Variants in PTPRD observed in about 807,000 individuals in gnomAD.
PTPRD encodes the protein receptor-type tyrosine-protein phosphatase delta.
In PTPRD, 34 loss-of-function variants were observed where a neutral mutation model predicts 214.5. The ratio of observed to expected loss-of-function variants is 0.16; its 90% CI spans 0.12 to 0.21. The LOEUF (loss-of-function observed/expected upper bound fraction) is 0.21, where lower values mean the gene tolerates loss of function less well. Ranked by LOEUF, PTPRD falls within the 10% of genes least tolerant of loss-of-function variation. PTPRD has a pLI of 1.00. For missense variants in PTPRD, 2,545 were observed against 2,398.7 expected (o/e 1.06, Z -1.27); for synonymous variants, 1,128 against 845.7 (o/e 1.33, Z -5.79).
intron 11 of PTPRD, chr9:8,936,314 G>GC (rs2098996612): frequency 9.1e-6 from 1 of 110,294 alleles, no homozygotes; most frequent in Non-Finnish European, 1.8e-5. Flanking sequence ...GGGGTTGGCA[G>GC]GGGGTGGTGC....
chr9:10,374,044 C>A (rs1438021734), intron 2 of PTPRD, among the ~76,000 whole-genome samples: 1 of 152,040 alleles, frequency 6.6e-6, no homozygotes, highest in Non-Finnish European at 1.5e-5. Flanking sequence ...AGTACAAATA[C>A]TATGCATGCC....
At chr9:10,576,991 G>A (rs888364395) in intron 2 of PTPRD, among the ~76,000 whole-genome samples, 1 of 151,650 alleles carries the variant, frequency 6.6e-6, no homozygotes, top group Non-Finnish European at 1.5e-5. Flanking sequence ...CATTTAAAGG[G>A]CTTGAAATAG....
intron 9 of PTPRD, among the ~76,000 whole-genome samples, chr9:9,296,747 T>G (rs973630583): frequency 4.6e-5 from 7 of 151,916 alleles, no homozygotes; most frequent in African/African-American, 1.7e-4. Context: ...AAGAAGTTTT[T>G]TGTGTTATCC....
intron 8 of PTPRD, among the ~76,000 whole-genome samples, chr9:9,571,328 T>C (rs1316663931): frequency 1.3e-5 from 2 of 151,408 alleles, no homozygotes; most frequent in Non-Finnish European, 3.0e-5. Flanking sequence ...TCTCTCTCTA[T>C]ATATATCTCA....
At chr9:8,978,155 AAATTT>A (rs2099278686) in intron 11 of PTPRD, among the ~76,000 whole-genome samples, 1 of 152,074 alleles carries the variant, frequency 6.6e-6, no homozygotes, top group South Asian at 2.1e-4. Flanking sequence ...TAATTAACGT[AAATTT>A]TGGGGAAGGG....
At chr9:9,113,138 A>AAT (rs974672003) in intron 10 of PTPRD, among the ~76,000 whole-genome samples, 121 of 150,730 alleles carry the variant, frequency 8.0e-4, no homozygotes, top group African/African-American at 2.3e-3. Flanking sequence ...CTAATTAAAA[A>AAT]ATATATATAT....
intron 11 of PTPRD, among the ~76,000 whole-genome samples, chr9:8,914,881 A>C (rs1417344321): frequency 6.6e-6 from 1 of 152,108 alleles, no homozygotes; most frequent in Non-Finnish European, 1.5e-5. Flanking sequence ...TGCAGACAAC[A>C]CACCCCTTTA....
chr9:9,910,228 G>T (rs1042648165), intron 5 of PTPRD, among the ~76,000 whole-genome samples: 1 of 151,896 alleles, frequency 6.6e-6, no homozygotes, highest in Non-Finnish European at 1.5e-5. Flanking sequence ...GATGAAAATT[G>T]TATTATTGTA....
At chr9:9,847,721 A>G (rs2059800801) in intron 5 of PTPRD, among the ~76,000 whole-genome samples, 1 of 152,142 alleles carries the variant, frequency 6.6e-6, no homozygotes, top group East Asian at 1.9e-4. Context: ...CAGGAAACCT[A>G]ATTATCCCAG....
chr9:8,394,180 GA>G (rs145268225), intron 36 of PTPRD, among the ~76,000 whole-genome samples: 25,356 of 147,908 alleles, frequency 0.17, 2,532 homozygotes, highest in Non-Finnish European at 0.23. Context: ...CCACCAAGAA[GA>G]AAAAAAAAAG....
At chr9:8,520,221 A>T (rs997478592) in intron 20 of PTPRD, among the ~76,000 whole-genome samples, 1 of 152,208 alleles carries the variant, frequency 6.6e-6, no homozygotes, top group Admixed American at 6.5e-5. Context: ...TCTGTAATGT[A>T]CGGATAAATA....
intron 5 of PTPRD, among the ~76,000 whole-genome samples, chr9:9,798,854 C>T (rs1380223841): frequency 6.6e-6 from 1 of 152,042 alleles, no homozygotes. Flanking sequence ...GAAAATATCA[C>T]CCAAATTACC....
At chr9:9,583,802 A>G (rs759596078) in intron 7 of PTPRD, among the ~76,000 whole-genome samples, 1 of 152,062 alleles carries the variant, frequency 6.6e-6, no homozygotes, top group Non-Finnish European at 1.5e-5. Context: ...TCAGTCTTAT[A>G]GTTGCCATTA....
At chr9:9,331,682 A>G (rs2136593278) in intron 9 of PTPRD, among the ~76,000 whole-genome samples, 1 of 152,194 alleles carries the variant, frequency 6.6e-6, no homozygotes, top group East Asian at 1.9e-4. Flanking sequence ...ACACGCAGGT[A>G]ACATTTACAG....
intron 8 of PTPRD, among the ~76,000 whole-genome samples, chr9:9,556,082 C>A (rs2081439823): frequency 6.6e-6 from 1 of 152,024 alleles, no homozygotes; most frequent in African/African-American, 2.4e-5. Flanking sequence ...CTATGAATAA[C>A]CTATTATTGA....
In PTPRD at chr9:8,838,356, C is replaced by T. The variant is rs55748554; in HGVS notation, c.-103-104410G>A. On this transcript the variant is annotated intron_variant, in intron 11 of 45. Transcript: ENST00000381196. The stretch of plus-strand genomic sequence containing the variant: ...GAAAAAAAAATTATTTAGAACCTTG[C>T]CTTATACCACAACCATATATCACTA... Among the ~76,000 whole-genome samples, 336 of 152,060 alleles carry T rather than the reference C, an allele frequency of 2.2e-3. 2 individuals carry two copies. The highest frequency in any genetic ancestry group is 7.6e-3 in the African/African-American group (315 of 41,490).
chr9:9,902,812 T>G (rs1437493749), intron 5 of PTPRD, among the ~76,000 whole-genome samples: 4 of 152,148 alleles, frequency 2.6e-5, no homozygotes, highest in Non-Finnish European at 5.9e-5. Flanking sequence ...TCACAAACTT[T>G]TTCCAAGCAC....
At chr9:9,894,687 T>C (rs2074443827) in intron 5 of PTPRD, among the ~76,000 whole-genome samples, 1 of 152,200 alleles carries the variant, frequency 6.6e-6, no homozygotes, top group Non-Finnish European at 1.5e-5. Flanking sequence ...CACATATATT[T>C]GGGGGATGAG....
intron 2 of PTPRD, among the ~76,000 whole-genome samples, chr9:10,514,727 T>C (rs1356234986): frequency 6.6e-6 from 1 of 151,944 alleles, no homozygotes. Flanking sequence ...ACAGACTAGA[T>C]AAATTTACGT....
Sources: allele counts gnomAD v4.1 joint callset (sites outside exome capture counted in the v4.1 genomes callset), GRCh38; gene constraint gnomAD v4.1.1; transcripts MANE v1.5; gene names NCBI Gene and HGNC (gene_info 2026-07-23, HGNC 2026-07-21).